The following DLGAP2 variants were observed in gnomAD, a reference collection of about 807,000 sequenced individuals.
DLGAP2 encodes the protein disks large-associated protein 2.
In DLGAP2, 26 loss-of-function variants were observed where a neutral mutation model predicts 100.3. The ratio of observed to expected loss-of-function variants is 0.26; its 90% CI spans 0.19 to 0.36. The LOEUF is 0.36. DLGAP2 is among the 10% of genes least tolerant of loss of function. The pLI is 1.00. For synonymous variants in DLGAP2, 886 were observed against 630.1 expected (o/e 1.41, Z -6.08); for missense variants, 1,858 against 1,453.2 (o/e 1.28, Z -4.53).
intron 6 of DLGAP2, 92 bp from the exon 7 acceptor site, chr8:1,626,648 C>T: frequency 6.7e-7 from 1 of 1,496,910 alleles, no homozygotes; most frequent in Non-Finnish European, 9.0e-7. Flanking sequence ...GGTGGGTGCT[C>T]AGCCTCTGGG....
intron 3 of DLGAP2, among the ~76,000 whole-genome samples, chr8:1,490,391 A>C (rs1799345752): frequency 6.6e-6 from 1 of 152,230 alleles, no homozygotes; most frequent in Non-Finnish European, 1.5e-5. Context: ...GAAAATTCAG[A>C]CAATACGTCA....
At chr8:1,294,159 T>A (rs1406117503) in intron 3 of DLGAP2, among the ~76,000 whole-genome samples, 1 of 152,160 alleles carries the variant, frequency 6.6e-6, no homozygotes, top group Non-Finnish European at 1.5e-5. Context: ...ATGGAGGAGC[T>A]GGTCTTCCCT....
chr8:776,565 G>C (rs1448749475), intron 1 of DLGAP2, among the ~76,000 whole-genome samples: 3 of 152,124 alleles, frequency 2.0e-5, no homozygotes, highest in African/African-American at 7.2e-5. Flanking sequence ...TGTTCTCTTG[G>C]TTTCAAAGAA....
At chr8:1,579,121 T>C (rs543177208) in intron 6 of DLGAP2, among the ~76,000 whole-genome samples, 2 of 152,372 alleles carry the variant, frequency 1.3e-5, no homozygotes, top group East Asian at 3.9e-4. Context: ...TTGGAGGCCT[T>C]TGCTTTTTTT....
At chr8:1,409,872 G>A (rs918209585) in intron 3 of DLGAP2, among the ~76,000 whole-genome samples, 2 of 152,172 alleles carry the variant, frequency 1.3e-5, no homozygotes, top group African/African-American at 2.4e-5. Context: ...CGGGGCCTTC[G>A]GGCTTAGACT....
intron 8 of DLGAP2, among the ~76,000 whole-genome samples, chr8:1,645,870 C>T (rs1267498405): frequency 6.6e-6 from 1 of 152,160 alleles, no homozygotes; most frequent in Non-Finnish European, 1.5e-5. Flanking sequence ...TGAAGCATCA[C>T]ATGGAAATGA....
chr8:1,640,683 C>A (rs866490209), intron 8 of DLGAP2, among the ~76,000 whole-genome samples: 54 of 152,168 alleles, frequency 3.5e-4, no homozygotes, highest in Middle Eastern at 6.8e-3. Flanking sequence ...ACCCGGGACT[C>A]GGGCATGAGA....
intron 3 of DLGAP2, among the ~76,000 whole-genome samples, chr8:1,498,976 C>T (rs760222140): frequency 5.3e-5 from 8 of 152,222 alleles, no homozygotes; most frequent in Non-Finnish European, 1.0e-4. Context: ...TAACTTTGAA[C>T]GGTGTCACCT....
intron 3 of DLGAP2, among the ~76,000 whole-genome samples, chr8:1,306,919 A>G (rs1453175787): frequency 6.6e-6 from 1 of 152,198 alleles, no homozygotes; most frequent in Non-Finnish European, 1.5e-5. Context: ...CCTAAACATA[A>G]GAGCTAAACC....
At chr8:1,045,816 A>G (rs1204514367) in intron 2 of DLGAP2, among the ~76,000 whole-genome samples, 1 of 152,172 alleles carries the variant, frequency 6.6e-6, no homozygotes, top group Non-Finnish European at 1.5e-5. Context: ...ATTGGCAGTA[A>G]GCAGGAATGT....
At chr8:1,598,378 T>G (rs1796523746) in intron 6 of DLGAP2, among the ~76,000 whole-genome samples, 1 of 152,238 alleles carries the variant, frequency 6.6e-6, no homozygotes, top group South Asian at 2.1e-4. Context: ...GCTGGCCTCA[T>G]AAAATGAGTT....
chr8:1,094,640 GGGA>G (rs1482499879), intron 2 of DLGAP2, among the ~76,000 whole-genome samples: 1 of 152,176 alleles, frequency 6.6e-6, no homozygotes, highest in East Asian at 1.9e-4. Flanking sequence ...GGCTTCTTTA[GGGA>G]TTTACCCGAA....
rs554727976 is a variant in DLGAP2, at chr8:1,428,931, C to G, written c.107-72435C>G. ...GCTTGGCTATCTAGGGTGAGCCATC[C>G]TTGTTTTCCTGAGGTTTGGGCATTT... On this transcript the variant is annotated intron_variant, in intron 3 of 14. Coordinates refer to ENST00000637795, the MANE Select transcript of DLGAP2 (RefSeq NM_001346810.2). 8.5e-5 allele frequency among the ~76,000 whole-genome samples: 13 copies of G among 152,314 alleles called. No homozygotes were observed. The East Asian group carries it at 2.3e-3, about 27-fold the overall frequency.
chr8:795,001 G>C (rs1795994441), intron 1 of DLGAP2, among the ~76,000 whole-genome samples: 1 of 152,186 alleles, frequency 6.6e-6, no homozygotes, highest in African/African-American at 2.4e-5. Context: ...TCCCTGTTTT[G>C]AGGTCCTCCA....
intron 3 of DLGAP2, among the ~76,000 whole-genome samples, chr8:1,374,627 T>G (rs890931657): frequency 3.3e-5 from 5 of 152,214 alleles, no homozygotes; most frequent in Non-Finnish European, 7.3e-5. Context: ...AGAATCTGCC[T>G]CAATGTAGGA....
At chr8:1,306,422 T>G (rs934113655) in intron 3 of DLGAP2, among the ~76,000 whole-genome samples, 5 of 152,150 alleles carry the variant, frequency 3.3e-5, no homozygotes, top group Non-Finnish European at 7.3e-5. Context: ...TAAAATGTTG[T>G]TATAAGACAT....
intron 2 of DLGAP2, among the ~76,000 whole-genome samples, chr8:1,156,742 C>G (rs977239555): frequency 6.6e-6 from 1 of 152,166 alleles, no homozygotes; most frequent in Non-Finnish European, 1.5e-5. Flanking sequence ...CTCAGCACCC[C>G]CGTTTGGTGC....
chr8:1,282,876 G>A lies in DLGAP2; in HGVS notation c.106+23993G>A, dbSNP rs895617005. On this transcript the variant is annotated intron_variant, in intron 3 of 14. Coordinates refer to ENST00000637795, the MANE Select transcript of DLGAP2 (RefSeq NM_001346810.2). ...GGACGTGGTGTGACCTGAACCCAGC[G>A]CCCTGAACCATCCGGACGTGGTGTG... is the stretch of plus-strand genomic sequence containing the variant. Among the ~76,000 whole-genome samples the A allele has an allele frequency of 1.1e-3, 92 of 80,742 alleles. 3 individuals are homozygous for A. Among genetic ancestry groups the A allele is most frequent in the African/African-American group, 4.6e-3 (84 of 18,136 alleles). 53.0% of individuals were successfully genotyped at this position (80,742 alleles called of 152,430 possible). A position where few individuals can be genotyped will look rare whatever the true frequency, so the allele number is the denominator to read the frequency against.
chr8:1,261,557 G>T (rs1268611627), intron 3 of DLGAP2, among the ~76,000 whole-genome samples: 1 of 151,200 alleles, frequency 6.6e-6, no homozygotes, highest in Admixed American at 6.6e-5. Flanking sequence ...CCGAGGGTGG[G>T]GGTGGGAGGG....
Sources: gnomAD v4.1 joint callset for allele counts (sites outside exome capture counted in the v4.1 genomes callset) on GRCh38, gnomAD v4.1.1 for gene constraint, MANE v1.5 for transcripts, NCBI Gene and HGNC (gene_info 2026-07-23, HGNC 2026-07-21) for gene names.